The following KIF18B variants were observed in gnomAD, a reference collection of about 807,000 sequenced individuals.
The protein encoded by KIF18B is kinesin family member 18B.
In KIF18B, 49 loss-of-function variants were observed where a neutral mutation model predicts 80.9. The ratio of observed to expected loss-of-function variants is 0.61; its 90% CI spans 0.48 to 0.77. KIF18B has a LOEUF of 0.77. KIF18B is among the 30% of genes least tolerant of loss of function. KIF18B has a pLI of 0.00. For synonymous variants in KIF18B, 439 were observed against 463.9 expected, an observed-to-expected ratio of 0.95 and a Z score of 0.69; for missense variants, 994 against 1,127.7, an observed-to-expected ratio of 0.88 and a Z score of 1.70.
At position 44,928,564 on chromosome 17, in the gene KIF18B, G is replaced by A. The variant is rs754205877; in HGVS notation, c.1738C>T (p.Pro580Ser). 6.9e-7 allele frequency: 1 copy of A among 1,451,898 alleles called. No homozygotes were observed. Among genetic ancestry groups the A allele is most frequent in the Non-Finnish European group, 9.0e-7 (1 of 1,109,434 alleles). The allele number at this position is 1,451,898 out of a possible 1,614,324, so 89.9% of individuals were successfully genotyped here. The change falls in exon 13 of 16, where the codon CCT (proline) becomes TCT (serine). Residue 580 changes from proline (P) to serine (S), a missense_variant. Coordinates refer to ENST00000593135, the MANE Select transcript of KIF18B (RefSeq NM_001265577.2). Reference sequence around the variant, plus strand: ...TATCCTGGAGGCTCTGGGCAGAGAGGAGACGGCACAGGGACTGCACAGAAG... The same window carrying A: ...TATCCTGGAGGCTCTGGGCAGAGAGAAGACGGCACAGGGACTGCACAGAAG... The part of the protein sequence containing the change: ...LCSESIPVPS[P>S]LCPEPPGYTG...
Position 44,935,256 on chromosome 17 carries a change from G to T in KIF18B, c.471+3C>A. On this transcript the variant is annotated splice_donor_region_variant and intron_variant, in intron 3 of 15. Transcript: ENST00000593135. ...AACAAGGCCCAGGGCAGGGGCAGCC[G>T]ACCTCCTGGTAGCTGATGAGCACCT... The T allele has an allele frequency of 6.3e-7, 1 of 1,598,790 alleles. No homozygotes were observed. Among genetic ancestry groups the T allele is most frequent in the Non-Finnish European group, 8.5e-7 (1 of 1,170,884 alleles).
Position 44,934,020 on chromosome 17 carries a change from G to A in KIF18B, c.965C>T (p.Thr322Ile). 1 of 1,611,624 alleles carries A rather than the reference G, an allele frequency of 6.2e-7. No homozygotes were observed. Among genetic ancestry groups the A allele is most frequent in the Non-Finnish European group, 8.5e-7 (1 of 1,179,062 alleles). ...GGGGCTGATGGCAGCGATCATCACT[G>A]TGCGGCAGTTGCCCCCGAGGGAGTC... is the stretch of plus-strand genomic sequence containing the variant. ...LKDSLGGNCRTVMIAAISPSS... is the reference protein window; with the variant it reads ...LKDSLGGNCRIVMIAAISPSS... Residue 322 changes from threonine (T) to isoleucine (I), a missense_variant, in exon 7 of 16, where the codon ACA (threonine) becomes ATA (isoleucine). Coordinates refer to ENST00000593135, the MANE Select transcript of KIF18B (RefSeq NM_001265577.2). This position sits in a 1 kb window ranked among gnomAD's most constrained non-coding sequence, Gnocchi z 5.4.
intron 3 of KIF18B, 72 bp from the exon 4 acceptor site, chr17:44,935,007 A>G: frequency 9.0e-7 from 1 of 1,114,036 alleles, no homozygotes; most frequent in Non-Finnish European, 1.3e-6. Flanking sequence ...GCGGCTGGAC[A>G]GGGGAGCTGA....
intron 1 of KIF18B, among the ~76,000 whole-genome samples, chr17:44,938,172 C>T (rs986538297): frequency 3.3e-5 from 5 of 152,054 alleles, no homozygotes; most frequent in Admixed American, 1.3e-4. Context: ...CCCGCCGGTG[C>T]GCCCAGCTAA....
chr17:44,927,068 GCA>G lies in KIF18B; in HGVS notation c.2285_2286del (p.Val762AlafsTer65). 6.2e-7 allele frequency: 1 copy of G among 1,610,432 alleles called. No individual in the cohort carries two copies. Among genetic ancestry groups the G allele is most frequent in the Non-Finnish European group, 8.5e-7 (1 of 1,178,204 alleles). On this transcript the variant is annotated frameshift_variant, in exon 14 of 16. Transcript: ENST00000593135. LOFTEE classifies it high-confidence loss of function. The surrounding 1 kb of genome is among the most constrained non-coding windows in gnomAD (Gnocchi z 4.1). ...LDQPFIPRAP[V>X]PLFTMKGPKP... ...TTGGGGCCCTTCATGGTGAACAGGG[GCA>G]CAGGTGCCCTGGGGAGGGAGGACAG...
intron 1 of KIF18B, among the ~76,000 whole-genome samples, chr17:44,943,248 C>T (rs2052451724): frequency 6.6e-6 from 1 of 152,024 alleles, no homozygotes; most frequent in South Asian, 2.1e-4. Flanking sequence ...TACAGGCGCC[C>T]GCCACCACGC....
chr17:44,925,816 A>G lies in KIF18B; in HGVS notation c.*264T>C, dbSNP rs2052013047. On this transcript the variant is annotated 3_prime_UTR_variant, in exon 16 of 16. Coordinates refer to ENST00000593135, the MANE Select transcript of KIF18B (RefSeq NM_001265577.2). ...AAACAAAAAACAAAAACCACCAAAAAACAAAAAACAGCAGCACATTAACAC... is the reference window on the plus strand; with the variant it reads ...AAACAAAAAACAAAAACCACCAAAAGACAAAAAACAGCAGCACATTAACAC... 1 of 511,720 alleles carries G rather than the reference A, an allele frequency of 2.0e-6. No homozygotes were observed. Among genetic ancestry groups the G allele is most frequent in the African/African-American group, 2.0e-5 (1 of 50,270 alleles). 31.7% of individuals were successfully genotyped at this position (511,720 alleles called of 1,614,324 possible).
chr17:44,936,468 T>C, intron 1 of KIF18B, 110 bp from the exon 2 acceptor site: 1 of 847,856 alleles, frequency 1.2e-6, no homozygotes, highest in South Asian at 1.8e-5. Flanking sequence ...GGTCTCTGTT[T>C]TATGCCTCAA....
Position 44,934,753 on chromosome 17 carries a change from G to A in KIF18B, c.576+78C>T. The A allele has an allele frequency of 7.7e-7, 1 of 1,303,222 alleles. No individual in the cohort carries two copies. The highest frequency in any genetic ancestry group is 1.5e-5 in the African/African-American group (1 of 67,736). 80.7% of individuals were successfully genotyped at this position (1,303,222 alleles called of 1,614,324 possible). On this transcript the variant is annotated intron_variant, in intron 4 of 15. Transcript: ENST00000593135. This position sits in a 1 kb window ranked among gnomAD's most constrained non-coding sequence, Gnocchi z 5.4. ...ACTGCTACCACCATCACAGGACCCA[G>A]GGCATCCCCAAACAGTTTTGTGAGG...
At chr17:44,936,586 C>CTT (rs2052302738) in intron 1 of KIF18B, among the ~76,000 whole-genome samples, 1 of 57,898 alleles carries the variant, frequency 1.7e-5, no homozygotes. Context: ...CTCTCTCTCT[C>CTT]TCTCTCTCTC....
rs2052048359 is a variant in KIF18B, at chr17:44,927,235, G to A, written c.2277-157C>T. On this transcript the variant is annotated intron_variant, in intron 13 of 15. Transcript: ENST00000593135. The surrounding 1 kb of genome is among the most constrained non-coding windows in gnomAD (Gnocchi z 4.1). ...TACAAAGAGGTGGATTCCTCTCTCT[G>A]CCTGGCTGACAGCTGAGTGACAGGC... is the stretch of plus-strand genomic sequence containing the variant. Among the ~76,000 whole-genome samples the A allele has an allele frequency of 1.3e-5, 2 of 152,226 alleles. No homozygotes were observed. The highest frequency in any genetic ancestry group is 6.5e-5 in the Admixed American group (1 of 15,284).
intron 12 of KIF18B, 39 bp from the exon 13 acceptor site, chr17:44,928,617 C>G (rs569266892): frequency 6.9e-7 from 1 of 1,441,464 alleles, no homozygotes; most frequent in African/African-American, 1.4e-5. Flanking sequence ...ACTTGGGGAG[C>G]CAGACACTGG....
chr17:44,935,130 A>G (rs2052254423), intron 3 of KIF18B, 129 bp downstream of exon 3: 1 of 1,019,508 alleles, frequency 9.8e-7, no homozygotes, highest in African/African-American at 1.6e-5. Context: ...ACTGAGCAGT[A>G]TCTATCTCCT....
Position 44,929,472 on chromosome 17 carries a change from C to G in KIF18B, c.1518-448G>C, listed in dbSNP as rs142387539. 1.7e-3 allele frequency among the ~76,000 whole-genome samples: 263 copies of G among 152,294 alleles called. 2 individuals carry two copies. Among genetic ancestry groups the G allele is most frequent in the African/African-American group, 6.2e-3 (256 of 41,558 alleles). The stretch of plus-strand genomic sequence containing the variant: ...AGTCAGACTGCCAGTTTCCCACTCA[C>G]ATCCTGGCTCCAATACCTCCCAGCT... On this transcript the variant is annotated intron_variant, in intron 11 of 15. Coordinates refer to ENST00000593135, the MANE Select transcript of KIF18B (RefSeq NM_001265577.2).
chr17:44,937,142 T>G (rs2052327739), intron 1 of KIF18B, among the ~76,000 whole-genome samples: 1 of 152,094 alleles, frequency 6.6e-6, no homozygotes, highest in South Asian at 2.1e-4. Flanking sequence ...TTCATTACTC[T>G]TTCTTTTCTA....
intron 1 of KIF18B, among the ~76,000 whole-genome samples, chr17:44,936,678 C>T (rs1157559809): frequency 2.6e-5 from 3 of 117,512 alleles, no homozygotes; most frequent in East Asian, 5.5e-4. Flanking sequence ...CTTGCTCTGT[C>T]GCCCAGGCTA....
chr17:44,926,334 C>A, intron 15 of KIF18B, 80 bp downstream of exon 15: 1 of 1,553,600 alleles, frequency 6.4e-7, no homozygotes, highest in South Asian at 1.2e-5. Context: ...TCTTCTGGGT[C>A]TCAGCTCCCC....
chr17:44,926,239 G>A (rs944257570), intron 15 of KIF18B, 53 bp from the exon 16 acceptor site: 21 of 1,608,018 alleles, frequency 1.3e-5, no homozygotes, highest in Middle Eastern at 1.7e-4. Context: ...GGAAAGTGAC[G>A]CTCTGTCCCC....
chr17:44,932,528 G>C (rs1189854066), intron 9 of KIF18B, 145 bp downstream of exon 9: 1 of 638,632 alleles, frequency 1.6e-6, no homozygotes, highest in African/African-American at 1.8e-5. Context: ...GTCAGTTGCT[G>C]GGCAGGCACT....
Sources: gnomAD v4.1 joint callset for allele counts (sites outside exome capture counted in the v4.1 genomes callset) on GRCh38, gnomAD v4.1.1 for gene constraint, Gnocchi (gnomAD v3.1) non-coding constraint, MANE v1.5 for transcripts, NCBI Gene and HGNC (gene_info 2026-07-23, HGNC 2026-07-21) for gene names.